Variants in PRDM15 observed in about 807,000 individuals in gnomAD.
PRDM15 encodes PR/SET domain 15.
Under a neutral mutation model 128.6 loss-of-function variants are expected in PRDM15, and 64 were observed. The observed-to-expected ratio is 0.50, with a 90% CI of 0.41 to 0.61. The LOEUF is 0.61. Among genes scored for constraint, PRDM15 ranks in the 20% least tolerant of loss-of-function variants. The pLI, the probability that PRDM15 is intolerant of heterozygous loss-of-function variation, is 0.00. For synonymous variants in PRDM15, 615 were observed against 621.8 expected (o/e 0.99, Z 0.16); for missense variants, 1,242 against 1,569.1 (o/e 0.79, Z 3.52).
chr21:41,818,120 T>TCAC (rs1446489622), intron 18 of PRDM15, among the ~76,000 whole-genome samples: 1 of 152,022 alleles, frequency 6.6e-6, no homozygotes, highest in Non-Finnish European at 1.5e-5. Context: ...CCAGCCAGGC[T>TCAC]CACCACACTG....
chr21:41,854,708 C>T lies in PRDM15; in HGVS notation c.396G>A (p.Thr132=), dbSNP rs772449377. ...PAAEAEHQNL[T]AYQHGSDVYF... Reference sequence around the variant, plus strand: ...ACACGTCGCTGCCGTGCTGGTAGGCCGTCAGGTTCTGGTGCTCGGCCTCCG... The same window carrying T: ...ACACGTCGCTGCCGTGCTGGTAGGCTGTCAGGTTCTGGTGCTCGGCCTCCG... Residue 132 remains threonine, a synonymous_variant, in exon 5 of 24, where the codon ACG becomes ACA. Coordinates refer to ENST00000398548, the MANE Select transcript of PRDM15 (RefSeq NM_001040424.3). This position sits in a 1 kb window ranked among gnomAD's most constrained non-coding sequence, Gnocchi z 4.6. 42 of 1,613,312 alleles carry T rather than the reference C, an allele frequency of 2.6e-5. No individual in the cohort carries two copies. Among genetic ancestry groups the T allele is most frequent in the Middle Eastern group, 1.6e-4 (1 of 6,082 alleles).
chr21:41,873,020 G>A (rs187921636), intron 1 of PRDM15, among the ~76,000 whole-genome samples: 29 of 152,278 alleles, frequency 1.9e-4, no homozygotes, highest in Middle Eastern at 3.4e-3. Context: ...CTGCGATTGC[G>A]TCTCCTTACA....
Position 41,821,366 on chromosome 21 carries a change from C to G in PRDM15, c.1897-136G>C. 1 of 1,015,000 alleles carries G rather than the reference C, an allele frequency of 9.9e-7. No homozygotes were observed. The highest frequency in any genetic ancestry group is 1.4e-6 in the Non-Finnish European group (1 of 695,982). The allele number at this position is 1,015,000 out of a possible 1,614,324, so 62.9% of individuals were successfully genotyped here. Reference sequence around the variant, plus strand: ...ATGACTCATGCCAGGGTGGAAGGGACTCTCAGAGGCTTGATGGGGAACTTT... The same window carrying G: ...ATGACTCATGCCAGGGTGGAAGGGAGTCTCAGAGGCTTGATGGGGAACTTT... On this transcript the variant is annotated intron_variant, in intron 15 of 23. Coordinates refer to ENST00000398548, the MANE Select transcript of PRDM15 (RefSeq NM_001040424.3). This position sits in a 1 kb window ranked among gnomAD's most constrained non-coding sequence, Gnocchi z 5.4.
At position 41,826,150 on chromosome 21, in the gene PRDM15, C is replaced by T. The variant is rs149845763; in HGVS notation, c.1535-96G>A. 2.8e-3 allele frequency: 2,744 copies of T among 991,954 alleles called. 49 individuals carry two copies. In the African/African-American group the frequency reaches 0.038, roughly 14 times the overall value. The allele number at this position is 991,954 out of a possible 1,614,324, so 61.4% of individuals were successfully genotyped here. A position where few individuals can be genotyped will look rare whatever the true frequency, so the allele number is the denominator to read the frequency against. On this transcript the variant is annotated intron_variant, in intron 12 of 23. Transcript: ENST00000398548. ...TTCAGCCAGCATCCTTTCCAGCGCA[C>T]GGGAGGACAGGGCTGCCCACAGTGG... is the stretch of plus-strand genomic sequence containing the variant.
At chr21:41,826,361 G>A (rs2062472214) in intron 12 of PRDM15, among the ~76,000 whole-genome samples, 1 of 152,180 alleles carries the variant, frequency 6.6e-6, no homozygotes, top group Admixed American at 6.5e-5. Flanking sequence ...ATGTTCCTAG[G>A]TGGCAGAGCT....
At chr21:41,878,897 C>T (rs2064528876) in intron 1 of PRDM15, 1 of 954,762 alleles carries the variant, frequency 1.0e-6, no homozygotes, top group African/African-American at 1.8e-5. Flanking sequence ...GCCCGGCAGC[C>T]CCGCGGCCCC....
intron 5 of PRDM15, among the ~76,000 whole-genome samples, chr21:41,853,429 T>A (rs1474369807): frequency 6.6e-6 from 1 of 152,224 alleles, no homozygotes; most frequent in Non-Finnish European, 1.5e-5. Context: ...TTTCGCCCCC[T>A]TGAGCAAAGA....
At chr21:41,847,062 A>T in intron 6 of PRDM15, 28 bp downstream of exon 6, 1 of 1,442,696 alleles carries the variant, frequency 6.9e-7, no homozygotes, top group Non-Finnish European at 9.5e-7. Flanking sequence ...GAGTTTTACA[A>T]CTGGGGCTCC....
intron 11 of PRDM15, chr21:41,834,424 A>C: frequency 7.6e-7 from 1 of 1,310,458 alleles, no homozygotes; most frequent in South Asian, 1.3e-5. Context: ...GGCGGGTGGC[A>C]CCTTAACAAG....
In PRDM15 at chr21:41,857,339, G is replaced by C; in HGVS notation, c.132-10C>G. 1 of 1,613,490 alleles carries C rather than the reference G, an allele frequency of 6.2e-7. No individual in the cohort carries two copies. The highest frequency in any genetic ancestry group is 8.5e-7 in the Non-Finnish European group (1 of 1,179,964). On this transcript the variant is annotated splice_polypyrimidine_tract_variant and intron_variant, in intron 3 of 23. Coordinates refer to ENST00000398548, the MANE Select transcript of PRDM15 (RefSeq NM_001040424.3). ...GGGAGGAAGGGATGACCTGGAAATG[G>C]AATAAAACAAGACTCAAAAGAGAGC...
Position 41,821,924 on chromosome 21 carries a change from C to T in PRDM15, c.1875G>A (p.Lys625=), listed in dbSNP as rs1297369244. The change falls in exon 15 of 24, where the codon AAG becomes AAA. Residue 625 remains lysine (K), a synonymous_variant. Coordinates refer to ENST00000398548, the MANE Select transcript of PRDM15 (RefSeq NM_001040424.3). The surrounding 1 kb of genome is among the most constrained non-coding windows in gnomAD (Gnocchi z 5.4). ...ATACCTGGCACCGCTTGCAGCTGTACTTGTGAGGCTCCGAGTCTGCGCTCT... is the reference window on the plus strand; with the variant it reads ...ATACCTGGCACCGCTTGCAGCTGTATTTGTGAGGCTCCGAGTCTGCGCTCT... ...SDESADSEPH[K]YSCKRCQLTF... is the part of the protein sequence containing the mutation. 1.9e-6 allele frequency: 3 copies of T among 1,614,064 alleles called. No homozygotes were observed. The highest frequency in any genetic ancestry group is 2.7e-5 in the African/African-American group (2 of 74,958).
At chr21:41,878,366 A>G (rs566328212) in intron 1 of PRDM15, among the ~76,000 whole-genome samples, 4 of 152,328 alleles carry the variant, frequency 2.6e-5, no homozygotes, top group East Asian at 3.9e-4. Context: ...GGAAAAAACC[A>G]TCCACTACAT....
chr21:41,805,867 A>C (rs796809654), intron 21 of PRDM15, among the ~76,000 whole-genome samples: 5 of 142,252 alleles, frequency 3.5e-5, no homozygotes, highest in Non-Finnish European at 7.7e-5. Flanking sequence ...ACCATTAACA[A>C]CACCATCACC....
intron 1 of PRDM15, chr21:41,878,817 C>A: frequency 8.6e-7 from 1 of 1,157,162 alleles, no homozygotes; most frequent in Non-Finnish European, 1.1e-6. Flanking sequence ...CGACGCCGCC[C>A]GGCGGCGGGG....
At chr21:41,844,903 G>A (rs1197201019) in intron 6 of PRDM15, among the ~76,000 whole-genome samples, 1 of 43,752 alleles carries the variant, frequency 2.3e-5, no homozygotes, top group Non-Finnish European at 4.5e-5. Flanking sequence ...CCCCCTCACA[G>A]GGACACACAC....
chr21:41,842,616 G>A (rs1450182470), intron 6 of PRDM15, among the ~76,000 whole-genome samples: 2 of 151,632 alleles, frequency 1.3e-5, no homozygotes, highest in African/African-American at 4.9e-5. Context: ...CCAGCCTCCT[G>A]AGTAGCTGGG....
At position 41,828,122 on chromosome 21, in the gene PRDM15, G is replaced by A. The variant is rs1396271976; in HGVS notation, c.1534+44C>T. 2.5e-6 allele frequency: 4 copies of A among 1,604,484 alleles called. No homozygotes were observed. The African/African-American group carries it at 5.3e-5, about 21-fold the overall frequency. Reference sequence around the variant, plus strand: ...CATGCCGCCCTGCCCCACCCCGCAGGAGCTGCCTCTCCCCGCCCGCAGCAG... The same window carrying A: ...CATGCCGCCCTGCCCCACCCCGCAGAAGCTGCCTCTCCCCGCCCGCAGCAG... On this transcript the variant is annotated intron_variant, in intron 12 of 23. Transcript: ENST00000398548. The surrounding 1 kb of genome is among the most constrained non-coding windows in gnomAD (Gnocchi z 5.7).
At position 41,820,090 on chromosome 21, in the gene PRDM15, C is replaced by G. The variant is rs73375539; in HGVS notation, c.2140+5G>C. The G allele has an allele frequency of 5.6e-6, 9 of 1,613,110 alleles. No individual in the cohort carries two copies. In the South Asian group the frequency reaches 9.9e-5, roughly 18 times the overall value. ...CCGGGACCCCAAATGCTGACAGACA[C>G]GCACCTGTGTGGATGAGCTTGTGGC... On this transcript the variant is annotated splice_donor_5th_base_variant and intron_variant, in intron 17 of 23. Transcript: ENST00000398548.
chr21:41,826,945 G>T (rs1052688785), intron 12 of PRDM15, among the ~76,000 whole-genome samples: 5 of 152,192 alleles, frequency 3.3e-5, no homozygotes, highest in African/African-American at 1.2e-4. Context: ...GGAAACAGCT[G>T]ACTTCTGGCA....
Sources: allele counts gnomAD v4.1 joint callset (sites outside exome capture counted in the v4.1 genomes callset), GRCh38; gene constraint gnomAD v4.1.1; non-coding constraint Gnocchi (gnomAD v3.1); transcripts MANE v1.5; gene names NCBI Gene and HGNC (gene_info 2026-07-23, HGNC 2026-07-21).